Variants in ZMIZ1 observed in about 807,000 individuals in gnomAD.
ZMIZ1 encodes zinc finger MIZ domain-containing protein 1.
ZMIZ1 carries 17 observed loss-of-function variants against 113.9 expected under a neutral mutation model. The observed-to-expected ratio is 0.15, with a 90% CI of 0.10 to 0.22. ZMIZ1 has a LOEUF of 0.22. Ranked by LOEUF, ZMIZ1 falls within the 10% of genes least tolerant of loss-of-function variation. The probability of loss-of-function intolerance (pLI) is 1.00; values close to 1 mark genes in which losing one functional copy is unlikely to be tolerated. For synonymous variants in ZMIZ1, 607 were observed against 603.1 expected, an observed-to-expected ratio of 1.01 and a Z score of -0.09; for missense variants, 1,059 against 1,477.8, an observed-to-expected ratio of 0.72 and a Z score of 4.65.
intron 7 of ZMIZ1, among the ~76,000 whole-genome samples, chr10:79,274,051 A>G (rs952625171): frequency 6.6e-6 from 1 of 151,692 alleles, no homozygotes; most frequent in Admixed American, 6.6e-5. Context: ...CTGTGTAAAA[A>G]GGGGCCTTTG....
intron 7 of ZMIZ1, among the ~76,000 whole-genome samples, chr10:79,217,297 C>T (rs567907002): frequency 5.5e-4 from 83 of 152,172 alleles, no homozygotes; most frequent in Middle Eastern, 6.8e-3. Context: ...TGGTGGCGGG[C>T]GCCTGTAGTC....
chr10:79,243,915 G>T (rs1449051728), intron 7 of ZMIZ1, among the ~76,000 whole-genome samples: 1 of 152,230 alleles, frequency 6.6e-6, no homozygotes, highest in Admixed American at 6.5e-5. Flanking sequence ...GAGTGGCACC[G>T]GCGTGCACCG....
At chr10:79,147,317 C>A (rs1368301397) in intron 3 of ZMIZ1, among the ~76,000 whole-genome samples, 1 of 152,176 alleles carries the variant, frequency 6.6e-6, no homozygotes, top group Non-Finnish European at 1.5e-5. Context: ...ACTCTCTCAG[C>A]CCTAAATAGA....
chr10:79,179,461 C>T (rs545971759), intron 4 of ZMIZ1, among the ~76,000 whole-genome samples: 80 of 152,334 alleles, frequency 5.3e-4, no homozygotes, highest in African/African-American at 1.7e-3. Flanking sequence ...GCTCTGCACC[C>T]GCACTCAGTC....
intron 7 of ZMIZ1, among the ~76,000 whole-genome samples, chr10:79,224,807 G>C (rs1849138092): frequency 6.6e-6 from 1 of 152,212 alleles, no homozygotes; most frequent in Non-Finnish European, 1.5e-5. Flanking sequence ...CTGCGGTGAG[G>C]ATTCCAGTGC....
intron 2 of ZMIZ1, among the ~76,000 whole-genome samples, chr10:79,122,965 G>A (rs532737827): frequency 3.3e-5 from 5 of 152,306 alleles, no homozygotes; most frequent in South Asian, 4.1e-4. Flanking sequence ...CTGGTAGAGC[G>A]CAGAGGTCCA....
At chr10:79,295,998 AG>A (rs553208877) in intron 12 of ZMIZ1, 42 of 187,726 alleles carry the variant, frequency 2.2e-4, no homozygotes, top group Admixed American at 1.4e-3. Context: ...TTCTGCTCTG[AG>A]GGGAGTACGA....
intron 7 of ZMIZ1, among the ~76,000 whole-genome samples, chr10:79,249,303 C>G (rs1367036464): frequency 6.6e-6 from 1 of 152,256 alleles, no homozygotes; most frequent in Non-Finnish European, 1.5e-5. Flanking sequence ...CAGTAGCTTC[C>G]TGTCATCCCT....
chr10:79,242,040 G>A (rs970642571), intron 7 of ZMIZ1, among the ~76,000 whole-genome samples: 1 of 152,190 alleles, frequency 6.6e-6, no homozygotes, highest in Admixed American at 6.5e-5. Flanking sequence ...TGGGGCTGGG[G>A]GAGGGAGCTA....
intron 2 of ZMIZ1, among the ~76,000 whole-genome samples, chr10:79,136,772 G>T (rs888537316): frequency 6.6e-6 from 1 of 152,196 alleles, no homozygotes. Context: ...ACAGCTAAAG[G>T]TTAAATATCA....
At chr10:79,099,462 G>T (rs1412331577) in intron 1 of ZMIZ1, among the ~76,000 whole-genome samples, 1 of 152,190 alleles carries the variant, frequency 6.6e-6, no homozygotes, top group African/African-American at 2.4e-5. Context: ...GGGTTGCAAG[G>T]CCCCCCAGGG....
chr10:79,178,251 C>T (rs1016128018), intron 4 of ZMIZ1, among the ~76,000 whole-genome samples: 1 of 152,210 alleles, frequency 6.6e-6, no homozygotes, highest in African/African-American at 2.4e-5. Flanking sequence ...CAAATGGGCC[C>T]CATTCGAGTG....
intron 1 of ZMIZ1, among the ~76,000 whole-genome samples, chr10:79,098,108 A>T (rs1843235424): frequency 6.6e-6 from 1 of 152,204 alleles, no homozygotes; most frequent in African/African-American, 2.4e-5. Flanking sequence ...TCAAATGATC[A>T]TTCCTACCTA....
At chr10:79,160,013 C>T (rs1846046331) in intron 3 of ZMIZ1, among the ~76,000 whole-genome samples, 1 of 152,264 alleles carries the variant, frequency 6.6e-6, no homozygotes, top group Non-Finnish European at 1.5e-5. Flanking sequence ...TGGCTTCCGT[C>T]TCAGCTGCCA....
chr10:79,257,790 A>T (rs1851014781), intron 7 of ZMIZ1, among the ~76,000 whole-genome samples: 1 of 152,150 alleles, frequency 6.6e-6, no homozygotes, highest in South Asian at 2.1e-4. Context: ...TATCCCTGCC[A>T]CTTTATGGTT....
intron 6 of ZMIZ1, among the ~76,000 whole-genome samples, chr10:79,215,964 G>A (rs1461799412): frequency 6.6e-6 from 1 of 152,178 alleles, no homozygotes; most frequent in African/African-American, 2.4e-5. Context: ...CCTAAGGACG[G>A]GGCCAGGATC....
chr10:79,163,828 C>T (rs938177318), intron 4 of ZMIZ1, among the ~76,000 whole-genome samples: 5 of 152,122 alleles, frequency 3.3e-5, no homozygotes, highest in East Asian at 1.9e-4. Flanking sequence ...CTGCCTCTCC[C>T]GATGGGGCCT....
At chr10:79,172,261 C>T (rs1273234498) in intron 4 of ZMIZ1, among the ~76,000 whole-genome samples, 1 of 152,078 alleles carries the variant, frequency 6.6e-6, no homozygotes. Flanking sequence ...ACGCCTAGGG[C>T]CCAGCTGGGA....
chr10:79,310,773 CTGCCCAGAAACAACGT>C, intron 23 of ZMIZ1, 135 bp from the exon 24 acceptor site: 1 of 929,548 alleles, frequency 1.1e-6, no homozygotes, highest in Non-Finnish European at 1.6e-6. Context: ...CTTTGTTTCT[CTGCCCAGAAACAACGT>C]TCAGCCTCGT....
Sources: gnomAD v4.1 joint callset for allele counts (sites outside exome capture counted in the v4.1 genomes callset) on GRCh38, gnomAD v4.1.1 for gene constraint, MANE v1.5 for transcripts, NCBI Gene and HGNC (gene_info 2026-07-23, HGNC 2026-07-21) for gene names.